The following EFCC1 variants were observed in gnomAD, a reference collection of about 807,000 sequenced individuals.
EFCC1 encodes the protein EF-hand and coiled-coil domain containing 1.
EFCC1 carries 50 observed loss-of-function variants against 52.1 expected under a neutral mutation model. The observed-to-expected ratio is 0.96, with a 90% confidence interval of 0.76 to 1.21. The LOEUF is 1.21. EFCC1 is among the 50% of genes most tolerant of loss of function. EFCC1 has a pLI of 0.00. For synonymous variants in EFCC1, 399 were observed against 396.5 expected, an observed-to-expected ratio of 1.01 and a Z score of -0.08; for missense variants, 837 against 867.3, an observed-to-expected ratio of 0.97 and a Z score of 0.44.
At chr3:129,025,981 C>G (rs1194248375) in intron 2 of EFCC1, among the ~76,000 whole-genome samples, 1 of 152,338 alleles carries the variant, frequency 6.6e-6, no homozygotes, top group South Asian at 2.1e-4. Context: ...TGGAGCCTCC[C>G]GCCTGAGTGC....
Position 129,001,327 on chromosome 3 carries a change from T to G in EFCC1, c.-302T>G, listed in dbSNP as rs534714114. 2.3e-4 allele frequency among the ~76,000 whole-genome samples: 34 copies of G among 150,374 alleles called. No individual in the cohort carries two copies. Among genetic ancestry groups the G allele is most frequent in the African/African-American group, 7.1e-4 (29 of 40,782 alleles). On this transcript the variant is annotated 5_prime_UTR_variant, in exon 1 of 8. Coordinates refer to ENST00000683648, the MANE Select transcript of EFCC1 (RefSeq NM_001377500.1). ...GCAGACGCCAGGAACGCCCCGTGAGTGAGGAGAGGAGAGCGTGGGAGTCAC... is the reference window on the plus strand; with the variant it reads ...GCAGACGCCAGGAACGCCCCGTGAGGGAGGAGAGGAGAGCGTGGGAGTCAC...
Position 129,038,915 on chromosome 3 carries a change from T to G in EFCC1, c.1663+15T>G, listed in dbSNP as rs760550317. The stretch of plus-strand genomic sequence containing the variant: ...CCCCACCCACGGTAGGAGAGCACCC[T>G]AGTCTCTCAGAGCCCACGCAGTGGC... On this transcript the variant is annotated intron_variant, in intron 7 of 7. Coordinates refer to ENST00000683648, the MANE Select transcript of EFCC1 (RefSeq NM_001377500.1). 1 of 1,612,660 alleles carries G rather than the reference T, an allele frequency of 6.2e-7. No individual in the cohort carries two copies. Among genetic ancestry groups the G allele is most frequent in the South Asian group, 1.1e-5 (1 of 91,050 alleles).
At chr3:129,017,715 G>A (rs1290513259) in intron 2 of EFCC1, among the ~76,000 whole-genome samples, 10 of 150,684 alleles carry the variant, frequency 6.6e-5, no homozygotes, top group Non-Finnish European at 1.3e-4. Flanking sequence ...TGCATTTCAA[G>A]GGACTTGTGT....
In EFCC1 at chr3:129,001,853, C is replaced by T; in HGVS notation, c.225C>T (p.Pro75=). Residue 75 remains proline, a synonymous_variant, in exon 1 of 8, where the codon CCC becomes CCT. Coordinates refer to ENST00000683648, the MANE Select transcript of EFCC1 (RefSeq NM_001377500.1). Reference sequence around the variant, plus strand: ...ACTGCCGCGGCGCCGGCCGTCTGCCCCGCGCCGACTTCCGAGCGCTCTGCG... The same window carrying T: ...ACTGCCGCGGCGCCGGCCGTCTGCCTCGCGCCGACTTCCGAGCGCTCTGCG... ...HLDCRGAGRL[P]RADFRALCAV... is the part of the protein sequence containing the mutation. The T allele has an allele frequency of 6.5e-7, 1 of 1,546,220 alleles. No homozygotes were observed. The highest frequency in any genetic ancestry group is 8.7e-7 in the Non-Finnish European group (1 of 1,145,660).
chr3:129,002,712 G>A (rs1409087455), intron 1 of EFCC1: 2 of 225,412 alleles, frequency 8.9e-6, no homozygotes, highest in African/African-American at 4.6e-5. Flanking sequence ...GGGAGGTTTA[G>A]GAGACAGAAG....
intron 2 of EFCC1, among the ~76,000 whole-genome samples, chr3:129,026,545 G>C (rs577701050): frequency 2.0e-5 from 3 of 152,280 alleles, no homozygotes; most frequent in African/African-American, 7.2e-5. Flanking sequence ...CGAGAAAGTT[G>C]TTCCTCCCAG....
intron 4 of EFCC1, 71 bp downstream of exon 4, chr3:129,033,037 C>A: frequency 7.0e-7 from 1 of 1,430,878 alleles, no homozygotes. Flanking sequence ...GCCAGGAGCA[C>A]CTGGGAGGCT....
chr3:129,026,001 C>G (rs186437996), intron 2 of EFCC1, among the ~76,000 whole-genome samples: 2 of 152,360 alleles, frequency 1.3e-5, no homozygotes, highest in East Asian at 3.9e-4. Context: ...CAGACCCCAC[C>G]TCTCCCGCGG....
intron 2 of EFCC1, among the ~76,000 whole-genome samples, chr3:129,027,123 T>A (rs2107929437): frequency 6.6e-6 from 1 of 151,940 alleles, no homozygotes; most frequent in South Asian, 2.1e-4. Flanking sequence ...CCTCAGGCAG[T>A]CAGCGAAACG....
intron 1 of EFCC1, 117 bp from the exon 2 acceptor site, chr3:129,003,677 G>A (rs1029287583): frequency 1.0e-5 from 11 of 1,049,006 alleles, no homozygotes; most frequent in African/African-American, 5.1e-5. Context: ...GACGGCGCAA[G>A]AAACGTGCTC....
In EFCC1 at chr3:129,003,908, G is replaced by A. The variant is rs986963883; in HGVS notation, c.811G>A (p.Ala271Thr). Residue 271 changes from alanine (A) to threonine (T), a missense_variant, in exon 2 of 8, where the codon GCT becomes ACT. Transcript: ENST00000683648. ...CGCCCTGGCTGCGGCGGAGGCCCGC[G>A]CTGGGCGGCTGCGCCGTGGCCAGGC... ...QGALAAAEARAGRLRRGQAEV... is the reference protein window; with the variant it reads ...QGALAAAEARTGRLRRGQAEV... The A allele has an allele frequency of 2.2e-6, 3 of 1,351,148 alleles. No individual in the cohort carries two copies. Among genetic ancestry groups the A allele is most frequent in the Non-Finnish European group, 1.9e-6 (2 of 1,056,180 alleles). 83.7% of individuals were successfully genotyped at this position (1,351,148 alleles called of 1,614,324 possible).
At chr3:129,018,468 G>C (rs1219839044) in intron 2 of EFCC1, among the ~76,000 whole-genome samples, 3 of 152,238 alleles carry the variant, frequency 2.0e-5, no homozygotes, top group Admixed American at 6.5e-5. Context: ...ACACAGCCAT[G>C]TCCACTTGTT....
chr3:129,036,842 C>A, intron 5 of EFCC1, 135 bp from the exon 6 acceptor site: 1 of 1,272,824 alleles, frequency 7.9e-7, no homozygotes, highest in Non-Finnish European at 1.1e-6. Flanking sequence ...GTCCAACCCG[C>A]TGTGTGGCTT....
rs1483169246 is a variant in EFCC1, at chr3:129,001,655, G to C, written c.27G>C (p.Glu9Asp). The C allele has an allele frequency of 1.4e-6, 2 of 1,399,660 alleles. No homozygotes were observed. Among genetic ancestry groups the C allele is most frequent in the African/African-American group, 3.0e-5 (2 of 65,944 alleles). The allele number at this position is 1,399,660 out of a possible 1,614,324, so 86.7% of individuals were successfully genotyped here. A position where few individuals can be genotyped will look rare whatever the true frequency, so the allele number is the denominator to read the frequency against. The change falls in exon 1 of 8, where the codon GAG becomes GAC. Residue 9 changes from glutamate to aspartate, a missense_variant. Coordinates refer to ENST00000683648, the MANE Select transcript of EFCC1 (RefSeq NM_001377500.1). MEPVSTGAEAGMEGAGGDP... is the reference protein window; with the variant it reads MEPVSTGADAGMEGAGGDP... ...TGGAGCCGGTCAGCACGGGCGCGGA[G>C]GCCGGCATGGAGGGCGCGGGAGGTG...
At chr3:129,032,006 C>T (rs924368118) in intron 3 of EFCC1, among the ~76,000 whole-genome samples, 5 of 151,994 alleles carry the variant, frequency 3.3e-5, no homozygotes, top group South Asian at 2.1e-4. Context: ...CCCCTGGGGA[C>T]GGGGATGGGG....
intron 2 of EFCC1, among the ~76,000 whole-genome samples, chr3:129,013,460 C>A (rs1945424513): frequency 6.6e-6 from 1 of 152,198 alleles, no homozygotes; most frequent in Non-Finnish European, 1.5e-5. Flanking sequence ...TACCTGGAAT[C>A]TCTTTCTTTC....
chr3:129,030,817 C>T lies in EFCC1; in HGVS notation c.1095C>T (p.Ala365=). ...TRDPDPTPEG[A]WQSDSSSGSR... is the part of the protein sequence containing the mutation. ...ACCCAGACCCCACTCCAGAGGGAGC[C>T]TGGCAGTCAGACAGCAGCTCTGGAA... Residue 365 remains alanine (A), a synonymous_variant, in exon 3 of 8, where the codon GCC becomes GCT. Coordinates refer to ENST00000683648, the MANE Select transcript of EFCC1 (RefSeq NM_001377500.1). 2 of 1,551,560 alleles carry T rather than the reference C, an allele frequency of 1.3e-6. No individual in the cohort carries two copies. Among genetic ancestry groups the T allele is most frequent in the South Asian group, 1.2e-5 (1 of 84,032 alleles).
In EFCC1 at chr3:129,032,879, T is replaced by G. The variant is rs1576782377; in HGVS notation, c.1199T>G (p.Val400Gly). 1 of 1,550,870 alleles carries G rather than the reference T, an allele frequency of 6.4e-7. No homozygotes were observed. The highest frequency in any genetic ancestry group is 8.7e-7 in the Non-Finnish European group (1 of 1,146,790). Residue 400 changes from valine (V) to glycine (G), a missense_variant, in exon 4 of 8, where the codon GTG becomes GGG. Val to Gly is a moderately radical substitution (Grantham distance 109, BLOSUM62 -3). Transcript: ENST00000683648. ...CAGGCCGCCTCTGACGAGGAGGAGG[T>G]GGAGGAGGAGAGGTGGCAGGAGGAG... ...EGQAASDEEE[V>G]EEERWQEEKK...
intron 3 of EFCC1, among the ~76,000 whole-genome samples, chr3:129,031,217 C>T (rs963309148): frequency 1.3e-5 from 2 of 152,182 alleles, no homozygotes; most frequent in Non-Finnish European, 2.9e-5. Context: ...ACTGCTTGAG[C>T]TCAGGGGTTC....
Sources: allele counts gnomAD v4.1 joint callset (sites outside exome capture counted in the v4.1 genomes callset), GRCh38; gene constraint gnomAD v4.1.1; transcripts MANE v1.5; gene names NCBI Gene and HGNC (gene_info 2026-07-23, HGNC 2026-07-21).